THSD7B: variants seen among roughly 807,000 people sequenced by gnomAD.
THSD7B encodes thrombospondin type-1 domain-containing protein 7B.
A neutral mutation model predicts 213.6 loss-of-function variants in THSD7B; 138 were observed. That is an observed-to-expected ratio of 0.65 (90% CI 0.56 to 0.74). The LOEUF (loss-of-function observed/expected upper bound fraction) is 0.74, where lower values mean the gene tolerates loss of function less well. THSD7B is among the 30% of genes least tolerant of loss of function. THSD7B has a pLI of 0.00. For missense variants in THSD7B, 1,931 were observed against 1,991.5 expected, an observed-to-expected ratio of 0.97 and a Z score of 0.58; for synonymous variants, 742 against 687.0, an observed-to-expected ratio of 1.08 and a Z score of -1.25.
At chr2:136,899,634 T>C (rs1015100241) in intron 2 of THSD7B, among the ~76,000 whole-genome samples, 2 of 152,208 alleles carry the variant, frequency 1.3e-5, no homozygotes, top group African/African-American at 4.8e-5. Context: ...GTTACAGTTG[T>C]TGTAAGTGGG....
chr2:137,084,776 A>C (rs1309321759), intron 3 of THSD7B, among the ~76,000 whole-genome samples: 1 of 152,188 alleles, frequency 6.6e-6, no homozygotes, highest in African/African-American at 2.4e-5. Context: ...CCTGCATCAA[A>C]CTTTATGTGA....
intron 12 of THSD7B, among the ~76,000 whole-genome samples, chr2:137,331,436 G>A (rs1301525751): frequency 6.6e-6 from 1 of 152,194 alleles, no homozygotes; most frequent in Non-Finnish European, 1.5e-5. Context: ...GTGCTGATTG[G>A]TGTGTTTACA....
At chr2:137,270,519 G>T (rs918039038) in intron 10 of THSD7B, among the ~76,000 whole-genome samples, 2 of 152,188 alleles carry the variant, frequency 1.3e-5, no homozygotes, top group African/African-American at 4.8e-5. Flanking sequence ...AAAAGGAGAG[G>T]GCCATTAGTG....
Position 137,635,228 on chromosome 2 carries a change from A to G in THSD7B, c.3800-7260A>G, listed in dbSNP as rs970455294. ...TTTGTAAGCTGATGAGTGCACGAATAGAGAGTCAACTTCTGTTCCTTCATC... is the reference window on the plus strand; with the variant it reads ...TTTGTAAGCTGATGAGTGCACGAATGGAGAGTCAACTTCTGTTCCTTCATC... On this transcript the variant is annotated intron_variant, in intron 20 of 27. Transcript: ENST00000409968. Among the ~76,000 whole-genome samples the G allele has an allele frequency of 2.8e-4, 43 of 152,212 alleles. 1 individual carries two copies. Among genetic ancestry groups the G allele is most frequent in the Non-Finnish European group, 8.8e-5 (6 of 68,044 alleles).
intron 12 of THSD7B, among the ~76,000 whole-genome samples, chr2:137,404,855 G>C (rs1686473812): frequency 6.6e-6 from 1 of 151,782 alleles, no homozygotes; most frequent in South Asian, 2.1e-4. Flanking sequence ...GGACTTGGTG[G>C]GAACAGTGGG....
At chr2:136,775,700 A>G (rs1681589268) in intron 1 of THSD7B, among the ~76,000 whole-genome samples, 1 of 152,094 alleles carries the variant, frequency 6.6e-6, no homozygotes, top group African/African-American at 2.4e-5. Context: ...TACCAGGAGG[A>G]CCATTTAATA....
At chr2:137,084,122 A>C (rs189354578) in intron 3 of THSD7B, among the ~76,000 whole-genome samples, 17 of 152,036 alleles carry the variant, frequency 1.1e-4, no homozygotes, top group Admixed American at 3.9e-4. Flanking sequence ...CTCTAGGAAT[A>C]TGTTTATTTA....
chr2:136,840,187 T>C (rs931972701), intron 1 of THSD7B, among the ~76,000 whole-genome samples: 1 of 152,096 alleles, frequency 6.6e-6, no homozygotes, highest in African/African-American at 2.4e-5. Flanking sequence ...GAGACCAGCC[T>C]GGCCAACATG....
chr2:137,030,828 A>G (rs1686651599), intron 2 of THSD7B, among the ~76,000 whole-genome samples: 1 of 152,212 alleles, frequency 6.6e-6, no homozygotes, highest in Admixed American at 6.5e-5. Flanking sequence ...TACAGTGTAC[A>G]CTATTTGGGT....
intron 26 of THSD7B, among the ~76,000 whole-genome samples, chr2:137,666,110 T>C (rs1277229446): frequency 6.6e-6 from 1 of 152,152 alleles, no homozygotes; most frequent in Non-Finnish European, 1.5e-5. Context: ...TATCTTTTTT[T>C]ATGTTCTTAC....
chr2:137,447,230 C>A (rs1687559773), intron 14 of THSD7B, among the ~76,000 whole-genome samples: 2 of 152,032 alleles, frequency 1.3e-5, no homozygotes, highest in Non-Finnish European at 2.9e-5. Flanking sequence ...TTGCTACAGG[C>A]TTGCTAATTA....
intron 11 of THSD7B, among the ~76,000 whole-genome samples, chr2:137,275,249 TC>T (rs991844247): frequency 1.3e-5 from 2 of 152,064 alleles, no homozygotes; most frequent in Non-Finnish European, 2.9e-5. Context: ...CAACAGCAGG[TC>T]CATTCCTCTT....
At chr2:137,417,140 AATC>A (rs1344548516) in intron 14 of THSD7B, among the ~76,000 whole-genome samples, 1 of 152,238 alleles carries the variant, frequency 6.6e-6, no homozygotes, top group Non-Finnish European at 1.5e-5. Flanking sequence ...AAAGCAAAAT[AATC>A]ATCATAATCT....
intron 21 of THSD7B, among the ~76,000 whole-genome samples, chr2:137,648,627 T>C (rs991471107): frequency 6.6e-6 from 1 of 152,170 alleles, no homozygotes; most frequent in Admixed American, 6.6e-5. Context: ...CATTCATCCA[T>C]TGATGTGCAC....
intron 16 of THSD7B, among the ~76,000 whole-genome samples, chr2:137,564,833 T>G (rs1165566693): frequency 6.6e-6 from 1 of 152,132 alleles, no homozygotes; most frequent in Non-Finnish European, 1.5e-5. Flanking sequence ...CTATGAAGCA[T>G]TATTCTACAA....
Position 137,585,017 on chromosome 2 carries a change from C to T in THSD7B, c.3423+12461C>T, listed in dbSNP as rs186933025. On this transcript the variant is annotated intron_variant, in intron 17 of 27. Transcript: ENST00000409968. ...ATTAATTATTGCCTCAATTTCAGAG[C>T]CTGTTATTGGTCTATTGAGGGATTC... 2.6e-3 allele frequency among the ~76,000 whole-genome samples: 400 copies of T among 152,116 alleles called. 3 individuals are homozygous for T. The highest frequency in any genetic ancestry group is 9.1e-3 in the African/African-American group (378 of 41,480).
chr2:137,328,124 C>G (rs1423383751), intron 12 of THSD7B, among the ~76,000 whole-genome samples: 1 of 152,120 alleles, frequency 6.6e-6, no homozygotes, highest in African/African-American at 2.4e-5. Flanking sequence ...AATTTGACAT[C>G]TTATACTTAG....
intron 5 of THSD7B, among the ~76,000 whole-genome samples, chr2:137,140,669 G>T (rs1679562212): frequency 6.6e-6 from 1 of 152,044 alleles, no homozygotes; most frequent in South Asian, 2.1e-4. Flanking sequence ...ATAACTAAGG[G>T]TAATTTATTC....
At chr2:137,331,165 C>G (rs1229115163) in intron 12 of THSD7B, among the ~76,000 whole-genome samples, 1 of 138,990 alleles carries the variant, frequency 7.2e-6, no homozygotes, top group Non-Finnish European at 1.5e-5. Context: ...CTCCAAGGCC[C>G]CACCAGAGCA....
Sources: allele counts gnomAD v4.1 joint callset (sites outside exome capture counted in the v4.1 genomes callset), GRCh38; gene constraint gnomAD v4.1.1; transcripts MANE v1.5; gene names NCBI Gene and HGNC (gene_info 2026-07-23, HGNC 2026-07-21).